Variants in SPON1 observed in about 807,000 individuals in gnomAD.
SPON1 encodes the protein spondin 1, also known as spondin-1.
Under a neutral mutation model 111.7 loss-of-function variants are expected in SPON1, and 52 were observed. The ratio of observed to expected loss-of-function variants is 0.47; its 90% CI spans 0.37 to 0.59. SPON1 has a LOEUF of 0.59. Among genes scored for constraint, SPON1 ranks in the 20% least tolerant of loss-of-function variants. SPON1 has a pLI of 0.00. For missense variants in SPON1, 957 were observed against 1,068.5 expected, an observed-to-expected ratio of 0.90 and a Z score of 1.46; for synonymous variants, 410 against 395.8, an observed-to-expected ratio of 1.04 and a Z score of -0.43.
At chr11:13,999,884 T>C (rs1477149161) in intron 2 of SPON1, among the ~76,000 whole-genome samples, 4 of 152,136 alleles carry the variant, frequency 2.6e-5, no homozygotes, top group African/African-American at 9.7e-5. Flanking sequence ...TATAGTCCTT[T>C]GTGTTCAGGA....
intron 3 of SPON1, among the ~76,000 whole-genome samples, chr11:14,073,941 G>T (rs782482937): frequency 2.6e-5 from 4 of 152,200 alleles, no homozygotes; most frequent in African/African-American, 9.7e-5. Context: ...AAGCAGGAAT[G>T]TGGGGCCTGG....
chr11:14,175,237 AG>A (rs1251508987), intron 6 of SPON1, among the ~76,000 whole-genome samples: 3 of 152,226 alleles, frequency 2.0e-5, no homozygotes, highest in African/African-American at 7.2e-5. Flanking sequence ...CAAGCTTTCA[AG>A]GCTTTAACTG....
intron 5 of SPON1, among the ~76,000 whole-genome samples, chr11:14,106,064 G>A (rs1456061927): frequency 6.6e-6 from 1 of 152,130 alleles, no homozygotes; most frequent in African/African-American, 2.4e-5. Flanking sequence ...GTTTTGAACT[G>A]ATTTGAGAGG....
intron 3 of SPON1, among the ~76,000 whole-genome samples, chr11:14,051,169 G>A (rs1554918545): frequency 6.6e-6 from 1 of 152,186 alleles, no homozygotes; most frequent in Non-Finnish European, 1.5e-5. Flanking sequence ...ATGGTATTTG[G>A]AGGTGGGACC....
chr11:14,107,751 C>G (rs1301554993), intron 5 of SPON1, among the ~76,000 whole-genome samples: 2 of 152,082 alleles, frequency 1.3e-5, no homozygotes, highest in African/African-American at 4.8e-5. Context: ...GGAAAGGAAG[C>G]CTTTCTAAAG....
chr11:14,095,135 A>C (rs1218646936), intron 5 of SPON1, among the ~76,000 whole-genome samples: 1 of 152,210 alleles, frequency 6.6e-6, no homozygotes, highest in African/African-American at 2.4e-5. Flanking sequence ...GGCTCTGAAA[A>C]GGATCCTGTC....
intron 6 of SPON1, among the ~76,000 whole-genome samples, chr11:14,175,519 A>G (rs782464516): frequency 1.3e-5 from 2 of 152,154 alleles, no homozygotes; most frequent in Non-Finnish European, 2.9e-5. Flanking sequence ...CCATTACAGA[A>G]CACAGAAAGA....
At chr11:14,035,127 G>A (rs1848584933) in intron 2 of SPON1, among the ~76,000 whole-genome samples, 1 of 152,128 alleles carries the variant, frequency 6.6e-6, no homozygotes, top group South Asian at 2.1e-4. Context: ...GAGTGGAGTG[G>A]GGTCTTTTGT....
At chr11:14,126,233 G>C (rs1449151762) in intron 5 of SPON1, among the ~76,000 whole-genome samples, 2 of 152,126 alleles carry the variant, frequency 1.3e-5, no homozygotes, top group Non-Finnish European at 2.9e-5. Context: ...GCCCAGTCAG[G>C]TTGACATATA....
At chr11:14,077,246 G>A (rs1482613576) in intron 4 of SPON1, among the ~76,000 whole-genome samples, 1 of 152,174 alleles carries the variant, frequency 6.6e-6, no homozygotes, top group Non-Finnish European at 1.5e-5. Flanking sequence ...TCCTCCGACA[G>A]TCAAACTGAC....
chr11:14,239,528 C>T (rs1051564773), intron 6 of SPON1, among the ~76,000 whole-genome samples: 1 of 152,106 alleles, frequency 6.6e-6, no homozygotes, highest in Non-Finnish European at 1.5e-5. Context: ...GAGTTTAAGA[C>T]CAACATGGGC....
chr11:14,264,563 A>G (rs1554942261), intron 15 of SPON1, among the ~76,000 whole-genome samples: 1 of 152,220 alleles, frequency 6.6e-6, no homozygotes, highest in African/African-American at 2.4e-5. Flanking sequence ...GATCCTTATG[A>G]TTAGGGAGCT....
chr11:14,263,971 G>A (rs1192208605), intron 15 of SPON1, among the ~76,000 whole-genome samples: 1 of 151,648 alleles, frequency 6.6e-6, no homozygotes, highest in South Asian at 2.1e-4. Context: ...AGAGGTTGCA[G>A]TGAGCCAAGA....
intron 7 of SPON1, among the ~76,000 whole-genome samples, chr11:14,253,222 G>C (rs1241403060): frequency 2.0e-5 from 3 of 152,230 alleles, no homozygotes; most frequent in Non-Finnish European, 4.4e-5. Context: ...AAAATGGAAA[G>C]TCCATTCAGG....
In SPON1 at chr11:14,161,198, TA is replaced by T. The variant is rs573439031; in HGVS notation, c.825+25631del. ...ATCTATATATTTATATATCTATATATATTTATATATTTATATATATCTATAT... is the reference window on the plus strand; with the variant it reads ...ATCTATATATTTATATATCTATATATTTTATATATTTATATATATCTATAT... On this transcript the variant is annotated intron_variant, in intron 6 of 15. Transcript: ENST00000576479. Among the ~76,000 whole-genome samples the T allele has an allele frequency of 5.5e-3, 699 of 127,526 alleles. 60 individuals are homozygous for T. Among genetic ancestry groups the T allele is most frequent in the African/African-American group, 0.021 (667 of 31,574 alleles). 83.7% of individuals were successfully genotyped at this position (127,526 alleles called of 152,430 possible).
At chr11:14,113,415 G>A (rs999194949) in intron 5 of SPON1, among the ~76,000 whole-genome samples, 2 of 152,082 alleles carry the variant, frequency 1.3e-5, no homozygotes, top group African/African-American at 2.4e-5. Context: ...GGAGGGCGTG[G>A]GTATGAGCCT....
chr11:14,253,335 G>A (rs1191702126), intron 7 of SPON1, among the ~76,000 whole-genome samples: 1 of 152,256 alleles, frequency 6.6e-6, no homozygotes, highest in Non-Finnish European at 1.5e-5. Context: ...CCAGGCAATG[G>A]GCTAAGTACT....
intron 6 of SPON1, among the ~76,000 whole-genome samples, chr11:14,169,425 A>C (rs1440661374): frequency 1.3e-5 from 2 of 151,758 alleles, no homozygotes; most frequent in African/African-American, 4.8e-5. Flanking sequence ...TAGGTTGCAA[A>C]AATTTTCTCC....
intron 5 of SPON1, among the ~76,000 whole-genome samples, chr11:14,104,946 C>T (rs1554924755): frequency 1.3e-5 from 2 of 152,082 alleles, no homozygotes; most frequent in Non-Finnish European, 2.9e-5. Context: ...ACAATGAAGT[C>T]CTTGTCTACT....
Sources: gnomAD v4.1 joint callset for allele counts (sites outside exome capture counted in the v4.1 genomes callset) on GRCh38, gnomAD v4.1.1 for gene constraint, MANE v1.5 for transcripts, NCBI Gene and HGNC (gene_info 2026-07-23, HGNC 2026-07-21) for gene names.